Variants in ACAD11 observed in about 807,000 individuals in gnomAD.
The protein encoded by ACAD11 is acyl-CoA dehydrogenase family member 11.
ACAD11 carries 83 observed loss-of-function variants against 102.2 expected under a neutral mutation model. The ratio of observed to expected loss-of-function variants is 0.81; its 90% CI spans 0.68 to 0.97. ACAD11 has a LOEUF of 0.97. Among genes scored for constraint, ACAD11 ranks in the 50% least tolerant of loss-of-function variants. ACAD11 has a pLI of 0.00. For missense variants in ACAD11, 901 were observed against 951.7 expected, an observed-to-expected ratio of 0.95 and a Z score of 0.70; for synonymous variants, 324 against 319.8, an observed-to-expected ratio of 1.01 and a Z score of -0.14.
At chr3:132,585,632 A>T (rs1387733227) in intron 13 of ACAD11, among the ~76,000 whole-genome samples, 1 of 152,212 alleles carries the variant, frequency 6.6e-6, no homozygotes, top group Non-Finnish European at 1.5e-5. Context: ...ATGAACTCAA[A>T]CAAATTTACA....
intron 10 of ACAD11, 59 bp downstream of exon 10, chr3:132,619,409 G>T: frequency 8.7e-7 from 1 of 1,152,488 alleles, no homozygotes. Flanking sequence ...ACAAAACTAA[G>T]GTCTAGGATC....
At chr3:132,607,525 G>C (rs1938902042) in intron 11 of ACAD11, among the ~76,000 whole-genome samples, 1 of 152,198 alleles carries the variant, frequency 6.6e-6, no homozygotes, top group Non-Finnish European at 1.5e-5. Flanking sequence ...AAGGATATCA[G>C]AGACTGAAGA....
intron 17 of ACAD11, among the ~76,000 whole-genome samples, chr3:132,566,950 T>C (rs548912806): frequency 2.0e-5 from 3 of 152,320 alleles, no homozygotes; most frequent in Admixed American, 2.0e-4. Flanking sequence ...TTGTTCTAAA[T>C]GTATTTAGAG....
intron 11 of ACAD11, among the ~76,000 whole-genome samples, chr3:132,606,696 G>A (rs1044256872): frequency 3.7e-4 from 56 of 152,332 alleles, no homozygotes; most frequent in Middle Eastern, 3.4e-3. Context: ...GGTGGCTGTG[G>A]GCGCGGCTTC....
chr3:132,574,096 G>A (rs1190617190), intron 17 of ACAD11, among the ~76,000 whole-genome samples: 1 of 152,164 alleles, frequency 6.6e-6, no homozygotes, highest in Non-Finnish European at 1.5e-5. Context: ...AAGGTGGAAG[G>A]GAAATTTTTT....
chr3:132,572,857 G>A (rs73218000), intron 17 of ACAD11, among the ~76,000 whole-genome samples: 4,420 of 152,198 alleles, frequency 0.029, 70 homozygotes, highest in African/African-American at 0.031. Context: ...TTGAAACTGC[G>A]CACCTTCCTT....
chr3:132,594,670 A>G (rs1404357575), intron 13 of ACAD11, among the ~76,000 whole-genome samples: 1 of 152,196 alleles, frequency 6.6e-6, no homozygotes, highest in Non-Finnish European at 1.5e-5. Flanking sequence ...GGCTTCCTGG[A>G]TTAATGTTAA....
chr3:132,659,579 G>A, intron 1 of ACAD11, 24 bp downstream of exon 1: 1 of 1,606,466 alleles, frequency 6.2e-7, no homozygotes, highest in South Asian at 1.1e-5. Flanking sequence ...TTTTTCCGCT[G>A]GAGGCAAAGG....
intron 11 of ACAD11, among the ~76,000 whole-genome samples, chr3:132,608,512 C>T (rs536473442): frequency 1.3e-5 from 2 of 152,192 alleles, no homozygotes; most frequent in African/African-American, 4.8e-5. Flanking sequence ...ATAAAACAGA[C>T]TTTAAACCAA....
chr3:132,639,542 A>C lies in ACAD11; in HGVS notation c.652T>G (p.Leu218Val), dbSNP rs1940404463. Residue 218 changes from leucine (L) to valine (V), a missense_variant, in exon 5 of 20, where the codon TTG (leucine) becomes GTG (valine). By Grantham distance (32) the Leu-to-Val change is conservative. Coordinates refer to ENST00000264990, the MANE Select transcript of ACAD11 (RefSeq NM_032169.5). Reference protein sequence around the residue: ...NLPDNDNEENLIHGDFRLDNI... With the variant: ...NLPDNDNEENVIHGDFRLDNI... ...TCTAGTCTGAAATCTCCATGAATCA[A>C]ATTCTCTTCATTGTCATTATCGGGC... The C allele has an allele frequency of 6.2e-7, 1 of 1,613,970 alleles. No individual in the cohort carries two copies. Among genetic ancestry groups the C allele is most frequent in the Non-Finnish European group, 8.5e-7 (1 of 1,179,960 alleles).
intron 9 of ACAD11, among the ~76,000 whole-genome samples, chr3:132,620,720 A>G (rs1227911973): frequency 6.6e-6 from 1 of 152,246 alleles, no homozygotes; most frequent in African/African-American, 2.4e-5. Flanking sequence ...TAAGGAAAGG[A>G]AAACCATAGA....
chr3:132,581,356 T>C (rs183860985), intron 13 of ACAD11, among the ~76,000 whole-genome samples: 2 of 152,160 alleles, frequency 1.3e-5, no homozygotes, highest in Non-Finnish European at 2.9e-5. Context: ...AAATTAAGAA[T>C]ATACTCGAGC....
At chr3:132,606,126 C>G (rs1938826659) in intron 11 of ACAD11, among the ~76,000 whole-genome samples, 1 of 152,150 alleles carries the variant, frequency 6.6e-6, no homozygotes, top group South Asian at 2.1e-4. Context: ...GTTGATTATT[C>G]AGAAGATTTT....
At chr3:132,616,811 A>G (rs756308258) in intron 11 of ACAD11, among the ~76,000 whole-genome samples, 5 of 152,206 alleles carry the variant, frequency 3.3e-5, no homozygotes, top group Non-Finnish European at 7.3e-5. Context: ...ATAGACTTTA[A>G]TTTTACAGTA....
chr3:132,621,079 T>C (rs1203984755), intron 9 of ACAD11: 6 of 152,212 alleles, frequency 3.9e-5, no homozygotes, highest in African/African-American at 1.2e-4. Context: ...ACAAGTCTAA[T>C]TGGAGTCCCA....
chr3:132,569,838 A>G (rs1937327153), intron 17 of ACAD11, among the ~76,000 whole-genome samples: 1 of 152,138 alleles, frequency 6.6e-6, no homozygotes, highest in African/African-American at 2.4e-5. Context: ...ATGTGGCTAT[A>G]AAAGGGCAAC....
intron 7 of ACAD11, among the ~76,000 whole-genome samples, chr3:132,628,792 A>G (rs967017372): frequency 5.3e-5 from 8 of 152,214 alleles, no homozygotes; most frequent in Admixed American, 5.2e-4. Flanking sequence ...TAAAGAAACA[A>G]AAATAAGATT....
At chr3:132,573,474 C>T in intron 17 of ACAD11, among the ~76,000 whole-genome samples, 1 of 151,462 alleles carries the variant, frequency 6.6e-6, no homozygotes, top group African/African-American at 2.4e-5. Context: ...AAATTAATTC[C>T]ATCTTTTTCT....
rs144543272 is a variant in ACAD11 at position 132,559,016 on chromosome 3, T to C, written c.2298A>G (p.Thr766=). ...TTTTGGCTTGGTCCCGCAGCTCCAT[T>C]GTTGCGATTGCTGAAAGATGAACTT... ...PDEVHLSAIA[T]MELRDQAKRL... Residue 766 remains threonine, a synonymous_variant, in exon 20 of 20, where the codon ACA becomes ACG. Transcript: ENST00000264990. The C allele has an allele frequency of 1.3e-5, 21 of 1,613,860 alleles. No homozygotes were observed. Among genetic ancestry groups the C allele is most frequent in the Non-Finnish European group, 1.8e-5 (21 of 1,179,834 alleles).
Sources: gnomAD v4.1 joint callset for allele counts (sites outside exome capture counted in the v4.1 genomes callset) on GRCh38, gnomAD v4.1.1 for gene constraint, MANE v1.5 for transcripts, NCBI Gene and HGNC (gene_info 2026-07-23, HGNC 2026-07-21) for gene names.